The following SH3BP4 variants were observed in gnomAD, a reference collection of about 807,000 sequenced individuals.
The protein encoded by SH3BP4 is SH3 domain binding protein 4.
A neutral mutation model predicts 65.5 loss-of-function variants in SH3BP4; 33 were observed. The observed-to-expected ratio is 0.50, with a 90% CI of 0.38 to 0.67. The LOEUF (loss-of-function observed/expected upper bound fraction) is 0.67, where lower values mean the gene tolerates loss of function less well. Ranked by LOEUF, SH3BP4 falls within the 30% of genes least tolerant of loss-of-function variation. SH3BP4 has a pLI of 0.00. For missense variants in SH3BP4, 1,134 were observed against 1,261.4 expected, an observed-to-expected ratio of 0.90 and a Z score of 1.53; for synonymous variants, 552 against 545.5, an observed-to-expected ratio of 1.01 and a Z score of -0.17.
chr2:235,031,635 C>T (rs1045034139), intron 2 of SH3BP4, among the ~76,000 whole-genome samples: 4 of 152,238 alleles, frequency 2.6e-5, no homozygotes, highest in African/African-American at 7.2e-5. Context: ...TCCCTCTAGC[C>T]CCTCCACACT....
rs1695638529 is a variant in SH3BP4 at position 235,041,425 on chromosome 2, A to T, written c.656A>T (p.Glu219Val). 1 of 1,614,040 alleles carries T rather than the reference A, an allele frequency of 6.2e-7. No individual in the cohort carries two copies. Among genetic ancestry groups the T allele is most frequent in the African/African-American group, 1.3e-5 (1 of 74,918 alleles). ...AATAGCACTGGCAACATCTTCGATG[A>T]GCTTCCAGTCACAAACGGACTCCAC... The part of the protein sequence containing the change: ...TTNSTGNIFD[E>V]LPVTNGLHAE... The change falls in exon 4 of 6, where the codon GAG (glutamate) becomes GTG (valine). Residue 219 changes from glutamate (E) to valine (V), a missense_variant. Physicochemically the swap from Glu to Val is moderately radical, Grantham distance 121. Transcript: ENST00000392011. This position sits in a 1 kb window ranked among gnomAD's most constrained non-coding sequence, Gnocchi z 6.0.
At position 235,053,839 on chromosome 2, in the gene SH3BP4, G is replaced by C; in HGVS notation, c.*23G>C. 6.4e-7 allele frequency: 1 copy of C among 1,554,206 alleles called. No homozygotes were observed. Among genetic ancestry groups the C allele is most frequent in the Non-Finnish European group, 8.9e-7 (1 of 1,125,798 alleles). On this transcript the variant is annotated 3_prime_UTR_variant, in exon 6 of 6. Transcript: ENST00000392011. ...TGAATGGGTCCCCTCCCCTCCTGCTGCTCTGGAGTGCAAGCCCTCTTCTGC... is the reference window on the plus strand; with the variant it reads ...TGAATGGGTCCCCTCCCCTCCTGCTCCTCTGGAGTGCAAGCCCTCTTCTGC...
intron 1 of SH3BP4, among the ~76,000 whole-genome samples, chr2:234,964,324 G>T (rs1041960980): frequency 1.3e-5 from 2 of 152,040 alleles, no homozygotes; most frequent in African/African-American, 4.8e-5. Context: ...AACTCTCTGG[G>T]ACATGGTCCT....
Position 234,967,157 on chromosome 2 carries a change from G to A in SH3BP4, c.-207+14987G>A, listed in dbSNP as rs1376028901. Reference sequence around the variant, plus strand: ...TTTAGGGACTTGTGTGAGCTGGGAAGTGCAGAAGCCAGGAGTTAAGTCCAG... The same window carrying A: ...TTTAGGGACTTGTGTGAGCTGGGAAATGCAGAAGCCAGGAGTTAAGTCCAG... On this transcript the variant is annotated intron_variant, in intron 1 of 5. Transcript: ENST00000392011. The surrounding 1 kb of genome is among the most constrained non-coding windows in gnomAD (Gnocchi z 4.6). Among the ~76,000 whole-genome samples, 3 of 152,106 alleles carry A rather than the reference G, an allele frequency of 2.0e-5. No homozygotes were observed. The highest frequency in any genetic ancestry group is 4.4e-5 in the Non-Finnish European group (3 of 67,986).
Position 234,972,989 on chromosome 2 carries a change from C to T in SH3BP4, c.-207+20819C>T, listed in dbSNP as rs144825120. Among the ~76,000 whole-genome samples, 11 of 152,288 alleles carry T rather than the reference C, an allele frequency of 7.2e-5. No individual in the cohort carries two copies. The East Asian group carries it at 1.5e-3, about 21-fold the overall frequency. ...CACCGCAGACCTGAGGGCTGAGACT[C>T]AAGCCTCCTGGTGACTCTAAAGTAT... is the stretch of plus-strand genomic sequence containing the variant. On this transcript the variant is annotated intron_variant, in intron 1 of 5. Coordinates refer to ENST00000392011, the MANE Select transcript of SH3BP4 (RefSeq NM_014521.3).
chr2:235,038,250 T>TATAATATATAGC (rs1695457001), intron 3 of SH3BP4, among the ~76,000 whole-genome samples: 1 of 35,044 alleles, frequency 2.9e-5, no homozygotes, highest in East Asian at 1.4e-3. Flanking sequence ...ATATATATAT[T>TATAATATATAGC]ATATATAATA....
chr2:235,025,428 AGG>A (rs749801936), intron 2 of SH3BP4, among the ~76,000 whole-genome samples: 4 of 152,036 alleles, frequency 2.6e-5, no homozygotes, highest in Non-Finnish European at 4.4e-5. Context: ...TAAGCAGCCG[AGG>A]GAAGGTCCGG....
chr2:235,041,603 G>C lies in SH3BP4; in HGVS notation c.834G>C (p.Gln278His), dbSNP rs764699453. The C allele has an allele frequency of 6.2e-7, 1 of 1,614,078 alleles. No homozygotes were observed. The highest frequency in any genetic ancestry group is 1.1e-5 in the South Asian group (1 of 91,078). Residue 278 changes from glutamine to histidine, a missense_variant, in exon 4 of 6, where the codon CAG becomes CAC. By Grantham distance (24) the Gln-to-His change is conservative. Coordinates refer to ENST00000392011, the MANE Select transcript of SH3BP4 (RefSeq NM_014521.3). This position sits in a 1 kb window ranked among gnomAD's most constrained non-coding sequence, Gnocchi z 6.0. The part of the protein sequence containing the change: ...GLKSPAPEQF[Q>H]SREDFRTAWL... ...AATCACCTGCCCCCGAGCAATTTCA[G>C]AGCCGGGAGGATTTTCGAACTGCCT...
chr2:234,984,953 G>T (rs1693501371), intron 1 of SH3BP4, among the ~76,000 whole-genome samples: 1 of 152,164 alleles, frequency 6.6e-6, no homozygotes, highest in Non-Finnish European at 1.5e-5. Context: ...CATCATGCTG[G>T]AGACGCATTT....
At chr2:234,975,470 T>C (rs1295569210) in intron 1 of SH3BP4, among the ~76,000 whole-genome samples, 1 of 152,218 alleles carries the variant, frequency 6.6e-6, no homozygotes, top group Non-Finnish European at 1.5e-5. Flanking sequence ...GGATCGGGCC[T>C]AATTCTAGAA....
At chr2:235,048,491 C>G (rs901885425) in intron 4 of SH3BP4, among the ~76,000 whole-genome samples, 1 of 151,148 alleles carries the variant, frequency 6.6e-6, no homozygotes. Context: ...CCACCACACC[C>G]AGCTAATTTT....
chr2:234,971,538 C>G (rs1693000103), intron 1 of SH3BP4, among the ~76,000 whole-genome samples: 1 of 152,170 alleles, frequency 6.6e-6, no homozygotes, highest in Non-Finnish European at 1.5e-5. Context: ...TATGGTAATT[C>G]TATTTTTAAT....
At position 234,977,501 on chromosome 2, in the gene SH3BP4, A is replaced by C. The variant is rs529203816; in HGVS notation, c.-206-17802A>C. 3.7e-4 allele frequency among the ~76,000 whole-genome samples: 57 copies of C among 152,274 alleles called. No homozygotes were observed. Among genetic ancestry groups the C allele is most frequent in the African/African-American group, 1.3e-3 (56 of 41,554 alleles). On this transcript the variant is annotated intron_variant, in intron 1 of 5. Coordinates refer to ENST00000392011, the MANE Select transcript of SH3BP4 (RefSeq NM_014521.3). This position sits in a 1 kb window ranked among gnomAD's most constrained non-coding sequence, Gnocchi z 5.1. ...AGAACCGGAGCAGAGCTGCAGGGAC[A>C]ATGGTGCATTATTAAACTGCTCTGA...
intron 1 of SH3BP4, chr2:234,994,814 G>A (rs927722181): frequency 6.6e-6 from 1 of 152,370 alleles, no homozygotes; most frequent in African/African-American, 2.4e-5. Flanking sequence ...AGAGGCCACT[G>A]GGCAGGACGT....
chr2:234,991,713 C>T lies in SH3BP4; in HGVS notation c.-206-3590C>T, dbSNP rs895499879. 3.9e-5 allele frequency among the ~76,000 whole-genome samples: 6 copies of T among 152,208 alleles called. No homozygotes were observed. Among genetic ancestry groups the T allele is most frequent in the Admixed American group, 1.3e-4 (2 of 15,284 alleles). ...AGCAAGGCGGTCCTTGTCCAGAGGC[C>T]TTGGGCCTCTGGAGAGGTTGATCAG... On this transcript the variant is annotated intron_variant, in intron 1 of 5. Coordinates refer to ENST00000392011, the MANE Select transcript of SH3BP4 (RefSeq NM_014521.3). This position sits in a 1 kb window ranked among gnomAD's most constrained non-coding sequence, Gnocchi z 4.2.
chr2:235,030,943 T>C lies in SH3BP4; in HGVS notation c.-132-3928T>C, dbSNP rs1043765695. Among the ~76,000 whole-genome samples the C allele has an allele frequency of 6.6e-6, 1 of 152,146 alleles. No individual in the cohort carries two copies. Among genetic ancestry groups the C allele is most frequent in the Non-Finnish European group, 1.5e-5 (1 of 68,016 alleles). Reference sequence around the variant, plus strand: ...GGGTGCGGACAGGGGGCACCTCTGTTACTCACCCCTGAATGTCTGGATGGG... The same window carrying C: ...GGGTGCGGACAGGGGGCACCTCTGTCACTCACCCCTGAATGTCTGGATGGG... On this transcript the variant is annotated intron_variant, in intron 2 of 5. Transcript: ENST00000392011. The surrounding 1 kb of genome is among the most constrained non-coding windows in gnomAD (Gnocchi z 4.1).
At chr2:235,007,221 G>C (rs1273730571) in intron 2 of SH3BP4, among the ~76,000 whole-genome samples, 1 of 152,134 alleles carries the variant, frequency 6.6e-6, no homozygotes, top group Non-Finnish European at 1.5e-5. Flanking sequence ...GAGGCACAGA[G>C]GGGAGCTGGT....
chr2:234,979,212 C>T (rs986723495), intron 1 of SH3BP4, among the ~76,000 whole-genome samples: 2 of 152,182 alleles, frequency 1.3e-5, no homozygotes, highest in African/African-American at 2.4e-5. Context: ...AGCCACTACT[C>T]AGGCCAAGAA....
chr2:235,038,249 T>TATATACTATATATTATATATAATATATAG (rs766333800), intron 3 of SH3BP4, among the ~76,000 whole-genome samples: 39 of 34,408 alleles, frequency 1.1e-3, no homozygotes, highest in Middle Eastern at 0.016. Flanking sequence ...TATATATATA[T>TATATACTATATATTATATATAATATATAG]TATATATAAT....
Sources: gnomAD v4.1 joint callset for allele counts (sites outside exome capture counted in the v4.1 genomes callset) on GRCh38, gnomAD v4.1.1 for gene constraint, Gnocchi (gnomAD v3.1) non-coding constraint, MANE v1.5 for transcripts, NCBI Gene and HGNC (gene_info 2026-07-23, HGNC 2026-07-21) for gene names.